RBFOX1: variants seen among roughly 807,000 people sequenced by gnomAD.
RBFOX1 encodes the protein RNA binding fox-1 homolog 1, also known as RNA binding protein fox-1 homolog 1.
RBFOX1 carries 8 observed loss-of-function variants against 57.7 expected under a neutral mutation model. That is an observed-to-expected ratio of 0.14 (90% CI 0.08 to 0.25). The LOEUF is 0.25. Ranked by LOEUF, RBFOX1 falls within the 10% of genes least tolerant of loss-of-function variation. The probability of loss-of-function intolerance (pLI) is 1.00; values close to 1 mark genes in which losing one functional copy is unlikely to be tolerated. For missense variants in RBFOX1, 611 were observed against 548.5 expected (o/e 1.11, Z -1.14); for synonymous variants, 326 against 222.4 (o/e 1.47, Z -4.15).
intron 4 of RBFOX1, among the ~76,000 whole-genome samples, chr16:7,214,254 T>C (rs1164158203): frequency 6.6e-6 from 1 of 152,190 alleles, no homozygotes; most frequent in Non-Finnish European, 1.5e-5. Flanking sequence ...AAAAGACTTC[T>C]GAAATTGAAT....
chr16:6,531,838 G>T (rs1240880979), intron 2 of RBFOX1, among the ~76,000 whole-genome samples: 1 of 152,178 alleles, frequency 6.6e-6, no homozygotes, highest in Non-Finnish European at 1.5e-5. Flanking sequence ...TAATTACAGG[G>T]ACAGTCTCAA....
At chr16:7,449,971 C>T (rs779563047) in intron 4 of RBFOX1, among the ~76,000 whole-genome samples, 34 of 152,106 alleles carry the variant, frequency 2.2e-4, no homozygotes, top group African/African-American at 8.2e-4. Flanking sequence ...GATGGCGAAA[C>T]ATCAGGGAGG....
intron 3 of RBFOX1, among the ~76,000 whole-genome samples, chr16:6,945,738 C>T (rs902178891): frequency 6.6e-6 from 1 of 152,052 alleles, no homozygotes; most frequent in Non-Finnish European, 1.5e-5. Flanking sequence ...TAAAAATATA[C>T]AAATTAGCTG....
chr16:7,518,054 G>C, intron 4 of RBFOX1, 93 bp from the exon 5 acceptor site: 2 of 1,470,468 alleles, frequency 1.4e-6, no homozygotes, highest in Middle Eastern at 1.8e-4. Flanking sequence ...GAAAGTACGC[G>C]GGGCACGATC....
chr16:6,810,398 G>A (rs984167741), intron 3 of RBFOX1, among the ~76,000 whole-genome samples: 1 of 152,086 alleles, frequency 6.6e-6, no homozygotes, highest in East Asian at 1.9e-4. Context: ...CATAAACTAA[G>A]CGTGGACAAT....
chr16:6,277,472 A>C (rs2075935376), intron 1 of RBFOX1, among the ~76,000 whole-genome samples: 1 of 151,264 alleles, frequency 6.6e-6, no homozygotes, highest in East Asian at 1.9e-4. Context: ...AAAAAAAAAA[A>C]AAAAAACCTC....
intron 3 of RBFOX1, among the ~76,000 whole-genome samples, chr16:7,015,641 A>G (rs1407790302): frequency 6.6e-6 from 1 of 152,162 alleles, no homozygotes; most frequent in Non-Finnish European, 1.5e-5. Flanking sequence ...CCTCTTGTTT[A>G]AAAGGCTCTT....
Position 6,987,456 on chromosome 16 carries a change from G to GACACACACAC in RBFOX1, c.-15-64561_-15-64552dup, listed in dbSNP as rs199503873. Among the ~76,000 whole-genome samples, 113 of 135,520 alleles carry GACACACACAC rather than the reference G, an allele frequency of 8.3e-4. 1 individual carries two copies. The highest frequency in any genetic ancestry group is 1.7e-3 in the East Asian group (8 of 4,624). The allele number at this position is 135,520 out of a possible 152,430, so 88.9% of individuals were successfully genotyped here. On this transcript the variant is annotated intron_variant, in intron 3 of 15. Coordinates refer to ENST00000550418, the MANE Select transcript of RBFOX1 (RefSeq NM_018723.4). Reference sequence around the variant, plus strand: ...CAGGACAGCAACAGAAAACTTTTCAGACACACACACACACACACACACACA... The same window carrying GACACACACAC: ...CAGGACAGCAACAGAAAACTTTTCAGACACACACACACACACACACACACACACACACACA...
At chr16:5,726,640 A>G (rs2052162409) in intron 3 of RBFOX1, among the ~76,000 whole-genome samples, 1 of 152,188 alleles carries the variant, frequency 6.6e-6, no homozygotes. Context: ...TGACCTGTAC[A>G]CTAACACTAT....
chr16:6,806,918 C>A (rs1311152860), intron 3 of RBFOX1, among the ~76,000 whole-genome samples: 1 of 148,302 alleles, frequency 6.7e-6, no homozygotes, highest in Non-Finnish European at 1.5e-5. Flanking sequence ...ACTGCAAACT[C>A]CACCTCCTGG....
At chr16:6,981,919 C>T (rs534542687) in intron 3 of RBFOX1, among the ~76,000 whole-genome samples, 7 of 152,208 alleles carry the variant, frequency 4.6e-5, no homozygotes, top group East Asian at 3.9e-4. Context: ...AGTGAGTATA[C>T]GCATGCATGG....
chr16:5,930,303 GTGGT>G (rs1216886377), intron 4 of RBFOX1, among the ~76,000 whole-genome samples: 1 of 36,770 alleles, frequency 2.7e-5, no homozygotes, highest in African/African-American at 1.1e-4. Flanking sequence ...GGGAGGGTGG[GTGGT>G]TGGTTGGATG....
At chr16:7,076,938 C>A (rs934553103) in intron 4 of RBFOX1, among the ~76,000 whole-genome samples, 6 of 152,174 alleles carry the variant, frequency 3.9e-5, no homozygotes, top group Admixed American at 2.0e-4. Context: ...TAACAATTTT[C>A]TAACATTGCA....
chr16:6,280,538 G>T (rs568461225), intron 1 of RBFOX1, among the ~76,000 whole-genome samples: 1 of 152,032 alleles, frequency 6.6e-6, no homozygotes, highest in Non-Finnish European at 1.5e-5. Context: ...TGCATCATGC[G>T]TCCACACAGC....
intron 3 of RBFOX1, among the ~76,000 whole-genome samples, chr16:5,843,114 A>G (rs1189998512): frequency 6.6e-6 from 1 of 152,218 alleles, no homozygotes; most frequent in Non-Finnish European, 1.5e-5. Flanking sequence ...GGCGTGAGCC[A>G]CCACGCCAGG....
At chr16:7,297,565 T>C (rs2095923243) in intron 4 of RBFOX1, among the ~76,000 whole-genome samples, 1 of 152,174 alleles carries the variant, frequency 6.6e-6, no homozygotes, top group Non-Finnish European at 1.5e-5. Context: ...ATGTTAATTA[T>C]CTAGAATATT....
intron 8 of RBFOX1, chr16:7,597,082 C>A (rs1023762521): frequency 2.1e-5 from 5 of 238,734 alleles, no homozygotes; most frequent in African/African-American, 6.8e-5. Flanking sequence ...GCTTTTAAAT[C>A]TTCAATTATG....
chr16:6,874,832 G>A (rs1285866666), intron 3 of RBFOX1, among the ~76,000 whole-genome samples: 4 of 152,118 alleles, frequency 2.6e-5, no homozygotes, highest in African/African-American at 7.2e-5. Context: ...GGTGATGGGT[G>A]CATCAAAATC....
chr16:5,261,392 C>G (rs2062727984), intron 1 of RBFOX1, among the ~76,000 whole-genome samples: 1 of 151,984 alleles, frequency 6.6e-6, no homozygotes, highest in African/African-American at 2.4e-5. Flanking sequence ...TTAAAGAGCT[C>G]AGAAATACTG....
Sources: gnomAD v4.1 joint callset for allele counts (sites outside exome capture counted in the v4.1 genomes callset) on GRCh38, gnomAD v4.1.1 for gene constraint, MANE v1.5 for transcripts, NCBI Gene and HGNC (gene_info 2026-07-23, HGNC 2026-07-21) for gene names.